The following KIF1A variants were observed in gnomAD, a reference collection of about 807,000 sequenced individuals.
KIF1A encodes the protein kinesin-like protein KIF1A.
Under a neutral mutation model 227.3 loss-of-function variants are expected in KIF1A, and 46 were observed. The observed-to-expected ratio is 0.20, with a 90% CI of 0.16 to 0.26. The LOEUF is 0.26. KIF1A is among the 10% of genes least tolerant of loss of function. The probability of loss-of-function intolerance (pLI) is 1.00; values close to 1 mark genes in which losing one functional copy is unlikely to be tolerated. For missense variants in KIF1A, 1,683 were observed against 2,485.9 expected, an observed-to-expected ratio of 0.68 and a Z score of 6.87; for synonymous variants, 1,022 against 1,012.8, an observed-to-expected ratio of 1.01 and a Z score of -0.17.
rs944008478 is a variant in KIF1A at position 240,790,967 on chromosome 2, C to G, written c.107-1655G>C. On this transcript the variant is annotated intron_variant, in intron 2 of 48. Transcript: ENST00000498729. This position sits in a 1 kb window ranked among gnomAD's most constrained non-coding sequence, Gnocchi z 5.0. Reference sequence around the variant, plus strand: ...ACTGAGACCCCCTCTGGCCAAGCGTCTTGCTGACAGCACAGGCATCACTGG... The same window carrying G: ...ACTGAGACCCCCTCTGGCCAAGCGTGTTGCTGACAGCACAGGCATCACTGG... Among the ~76,000 whole-genome samples the G allele has an allele frequency of 2.1e-4, 32 of 152,288 alleles. No individual in the cohort carries two copies. Among genetic ancestry groups the G allele is most frequent in the African/African-American group, 7.2e-4 (30 of 41,556 alleles).
At chr2:240,719,424 A>G (rs1217649800) in intron 46 of KIF1A, among the ~76,000 whole-genome samples, 1 of 152,222 alleles carries the variant, frequency 6.6e-6, no homozygotes, top group African/African-American at 2.4e-5. Context: ...ATAAAATGGA[A>G]AAACTTAAAG....
chr2:240,797,094 A>G (rs1287917014), intron 2 of KIF1A, among the ~76,000 whole-genome samples: 3 of 152,218 alleles, frequency 2.0e-5, no homozygotes, highest in Non-Finnish European at 4.4e-5. Flanking sequence ...CCCCAGCACA[A>G]ACTGCCCCGC....
intron 1 of KIF1A, among the ~76,000 whole-genome samples, chr2:240,808,913 G>A (rs909526419): frequency 6.6e-6 from 1 of 151,920 alleles, no homozygotes; most frequent in Non-Finnish European, 1.5e-5. Context: ...TGTATTTTTA[G>A]TAGAGATGGG....
At chr2:240,727,819 T>C (rs984260077) in intron 38 of KIF1A, among the ~76,000 whole-genome samples, 2 of 152,206 alleles carry the variant, frequency 1.3e-5, no homozygotes, top group East Asian at 3.9e-4. Flanking sequence ...CAGGGTTTTC[T>C]GTTACGTGAG....
chr2:240,769,115 A>G lies in KIF1A; in HGVS notation c.1497+18T>C, dbSNP rs1389829828. 2 of 1,599,036 alleles carry G rather than the reference A, an allele frequency of 1.3e-6. No homozygotes were observed. The highest frequency in any genetic ancestry group is 1.7e-6 in the Non-Finnish European group (2 of 1,172,220). On this transcript the variant is annotated intron_variant, in intron 17 of 48. Coordinates refer to ENST00000498729, the MANE Select transcript of KIF1A (RefSeq NM_001244008.2). ...TGTTCAGATGAGGGCAGTACCACAG[A>G]ACTGAGATAGCTCCTACCTTTTTGG...
chr2:240,730,895 C>T (rs769196166), intron 38 of KIF1A, among the ~76,000 whole-genome samples: 12 of 152,130 alleles, frequency 7.9e-5, no homozygotes, highest in South Asian at 2.1e-4. Flanking sequence ...CCCTGAGGGC[C>T]GCAGCATGAG....
At chr2:240,783,258 C>A in intron 8 of KIF1A, 149 bp from the exon 9 acceptor site, 2 of 713,128 alleles carry the variant, frequency 2.8e-6, no homozygotes, top group Non-Finnish European at 5.1e-6. Context: ...CGTGGGGTGC[C>A]CTGGCAGAAA....
chr2:240,798,152 G>A lies in KIF1A; in HGVS notation c.-60-340C>T, dbSNP rs114114250. Reference sequence around the variant, plus strand: ...TCCCCTGTGGATGCAGGCGCTGGTGGGCTCCATGCCAGGTCCGCGCAGGCC... The same window carrying A: ...TCCCCTGTGGATGCAGGCGCTGGTGAGCTCCATGCCAGGTCCGCGCAGGCC... On this transcript the variant is annotated intron_variant, in intron 1 of 48. Transcript: ENST00000498729. The A allele has an allele frequency of 6.3e-3, 1,174 of 186,790 alleles. 3 individuals carry two copies. The highest frequency in any genetic ancestry group is 9.6e-3 in the Non-Finnish European group (859 of 89,310). The allele number at this position is 186,790 out of a possible 1,614,324, so 11.6% of individuals were successfully genotyped here. A position where few individuals can be genotyped will look rare whatever the true frequency, so the allele number is the denominator to read the frequency against.
rs1447851714 is a variant in KIF1A at position 240,787,269 on chromosome 2, G to A, written c.411C>T (p.Asn137=). ...GCCCTACCTCCACGGAGTAGGACAT[G>A]TTGTCGTTGGTCGTGTCGTTGATCC... ...FSRINDTTND[N]MSYSVEVSYM... is the part of the protein sequence containing the mutation. The change falls in exon 5 of 49, where the codon AAC becomes AAT. Residue 137 remains asparagine (N), a synonymous_variant. Coordinates refer to ENST00000498729, the MANE Select transcript of KIF1A (RefSeq NM_001244008.2). 2 of 1,613,354 alleles carry A rather than the reference G, an allele frequency of 1.2e-6. No homozygotes were observed. The highest frequency in any genetic ancestry group is 1.1e-5 in the South Asian group (1 of 91,074).
At chr2:240,765,667 T>C (rs977229843) in intron 20 of KIF1A, 43 bp downstream of exon 20, 5 of 1,472,582 alleles carry the variant, frequency 3.4e-6, no homozygotes, top group Non-Finnish European at 4.7e-6. Flanking sequence ...CCTCGCCTCA[T>C]GCCTCTGCCT....
At chr2:240,820,814 G>A (rs1021456514), upstream of KIF1A, among the ~76,000 whole-genome samples, 3 of 151,272 alleles carry the variant, frequency 2.0e-5, no homozygotes, top group Non-Finnish European at 4.4e-5. This position sits in a 1 kb window ranked among gnomAD's most constrained non-coding sequence, Gnocchi z 6.2. Flanking sequence ...CCCGCCGGAT[G>A]ATGCAACCCG....
At chr2:240,743,570 G>A (rs1337075576) in intron 33 of KIF1A, among the ~76,000 whole-genome samples, 11 of 152,138 alleles carry the variant, frequency 7.2e-5, no homozygotes, top group South Asian at 4.1e-4. Context: ...GAGCTAGGCC[G>A]GGCTTCCCCA....
intron 10 of KIF1A, among the ~76,000 whole-genome samples, chr2:240,776,734 C>A (rs897783095): frequency 2.0e-5 from 3 of 152,242 alleles, no homozygotes; most frequent in African/African-American, 7.2e-5. Flanking sequence ...GCAGATGAGG[C>A]CTCTGACCCT....
chr2:240,805,142 G>C (rs1291405851), intron 1 of KIF1A, among the ~76,000 whole-genome samples: 4 of 85,726 alleles, frequency 4.7e-5, no homozygotes, highest in Admixed American at 1.2e-4. Context: ...AGGGAGAGGG[G>C]AGTGGGGAGG....
chr2:240,747,332 A>G lies in KIF1A; in HGVS notation c.2978-11T>C. On this transcript the variant is annotated splice_polypyrimidine_tract_variant and intron_variant, in intron 28 of 48. Coordinates refer to ENST00000498729, the MANE Select transcript of KIF1A (RefSeq NM_001244008.2). ...GGGCCTCTTCATCGGCTGCAGGAGA[A>G]ACAGAGCAAATGGTTGGAGCCCAGC... 6.2e-7 allele frequency: 1 copy of G among 1,610,744 alleles called. No homozygotes were observed. The highest frequency in any genetic ancestry group is 1.1e-5 in the South Asian group (1 of 90,932).
intron 45 of KIF1A, chr2:240,720,138 G>C (rs1272632473): frequency 2.2e-6 from 1 of 458,774 alleles, no homozygotes; most frequent in Admixed American, 4.0e-5. Flanking sequence ...GGGCTTGGTG[G>C]GCAGGGTCCC....
chr2:240,786,802 T>TATCAGGACCCCTGAGTGAGAGGGTAGGG (rs1559530234), intron 5 of KIF1A, among the ~76,000 whole-genome samples: 2 of 30,280 alleles, frequency 6.6e-5, no homozygotes, highest in African/African-American at 2.1e-4. Context: ...GGGTGGGGGC[T>TATCAGGACCCCTGAGTGAGAGGGTAGGG]GCCATCAGGA....
intron 38 of KIF1A, among the ~76,000 whole-genome samples, chr2:240,734,154 T>TGGCCA (rs2047058177): frequency 1.3e-5 from 2 of 152,238 alleles, no homozygotes; most frequent in Admixed American, 6.5e-5. Context: ...CCTCCTGGCC[T>TGGCCA]GGCCAGGTGA....
intron 41 of KIF1A, 85 bp from the exon 42 acceptor site, chr2:240,723,643 G>A: frequency 7.0e-7 from 1 of 1,425,750 alleles, no homozygotes; most frequent in Non-Finnish European, 9.4e-7. Context: ...CATCTGTGAA[G>A]CTGTCTCCCC....
Sources: allele counts gnomAD v4.1 joint callset (sites outside exome capture counted in the v4.1 genomes callset), GRCh38; gene constraint gnomAD v4.1.1; non-coding constraint Gnocchi (gnomAD v3.1); transcripts MANE v1.5; gene names NCBI Gene and HGNC (gene_info 2026-07-23, HGNC 2026-07-21).